Variants in NALF1 observed in about 807,000 individuals in gnomAD.
The protein encoded by NALF1 is family with sequence similarity 155 member A.
Under a neutral mutation model 48.4 loss-of-function variants are expected in NALF1, and 3 were observed. The ratio of observed to expected loss-of-function variants is 0.06; its 90% CI spans 0.03 to 0.16. The LOEUF is 0.16. NALF1 is among the 10% of genes least tolerant of loss of function. The probability of loss-of-function intolerance (pLI) is 1.00; values close to 1 mark genes in which losing one functional copy is unlikely to be tolerated. For missense variants in NALF1, 526 were observed against 571.5 expected, an observed-to-expected ratio of 0.92 and a Z score of 0.81; for synonymous variants, 262 against 245.7, an observed-to-expected ratio of 1.07 and a Z score of -0.62.
At chr13:107,804,317 T>G (rs1324712853) in intron 1 of NALF1, among the ~76,000 whole-genome samples, 1 of 152,170 alleles carries the variant, frequency 6.6e-6, no homozygotes, top group Admixed American at 6.5e-5. Flanking sequence ...GCTTCCCTAG[T>G]GCTGGGGAGA....
At chr13:107,641,110 T>A (rs1880143140) in intron 1 of NALF1, among the ~76,000 whole-genome samples, 1 of 152,134 alleles carries the variant, frequency 6.6e-6, no homozygotes, top group African/African-American at 2.4e-5. Flanking sequence ...TACAGCAACA[T>A]GGATGCAACT....
rs1456885712 is a variant in NALF1, at chr13:107,319,634, T to C, written c.916-108879A>G. Among the ~76,000 whole-genome samples, 3 of 152,262 alleles carry C rather than the reference T, an allele frequency of 2.0e-5. No homozygotes were observed. The East Asian group carries it at 5.8e-4, about 29-fold the overall frequency. On this transcript the variant is annotated intron_variant, in intron 1 of 2. Coordinates refer to ENST00000375915, the MANE Select transcript of NALF1 (RefSeq NM_001080396.3). ...TAATTATTAATTCATTAAATGTGCA[T>C]AACAACTATATAAGGTAGGTTCTAA...
At chr13:107,483,922 T>C (rs1355376547) in intron 1 of NALF1, among the ~76,000 whole-genome samples, 1 of 152,068 alleles carries the variant, frequency 6.6e-6, no homozygotes, top group African/African-American at 2.4e-5. Flanking sequence ...ATATATAAAA[T>C]TTTGTAAGAT....
intron 1 of NALF1, among the ~76,000 whole-genome samples, chr13:107,722,937 C>G (rs1344352398): frequency 3.3e-5 from 5 of 152,190 alleles, no homozygotes; most frequent in Admixed American, 3.3e-4. Context: ...AGGCCCTAAA[C>G]AGAAGCTATC....
At chr13:107,758,650 G>A (rs1220634145) in intron 1 of NALF1, among the ~76,000 whole-genome samples, 1 of 152,174 alleles carries the variant, frequency 6.6e-6, no homozygotes, top group African/African-American at 2.4e-5. Context: ...GAACCCGGGA[G>A]ATGGAGCTGG....
intron 1 of NALF1, among the ~76,000 whole-genome samples, chr13:107,510,775 G>C (rs1301196262): frequency 2.6e-5 from 4 of 152,108 alleles, no homozygotes; most frequent in African/African-American, 9.7e-5. Context: ...ATTCACACCT[G>C]AGCACAGACA....
intron 1 of NALF1, among the ~76,000 whole-genome samples, chr13:107,554,843 T>C (rs1877409275): frequency 6.6e-6 from 1 of 152,128 alleles, no homozygotes; most frequent in South Asian, 2.1e-4. Context: ...TTTTGGTCTC[T>C]GCAGAATTCA....
At chr13:107,751,334 A>G (rs1344882720) in intron 1 of NALF1, among the ~76,000 whole-genome samples, 1 of 152,200 alleles carries the variant, frequency 6.6e-6, no homozygotes, top group Non-Finnish European at 1.5e-5. Context: ...AAAATAATGG[A>G]AAACTGACCT....
At chr13:107,556,254 CCTCTCT>C (rs530335957) in intron 1 of NALF1, among the ~76,000 whole-genome samples, 18 of 144,164 alleles carry the variant, frequency 1.2e-4, no homozygotes, top group African/African-American at 4.7e-4. Flanking sequence ...ATGTGCCTCT[CCTCTCT>C]CTCTCTCTCA....
intron 1 of NALF1, among the ~76,000 whole-genome samples, chr13:107,215,298 T>G (rs1161093142): frequency 6.6e-6 from 1 of 152,226 alleles, no homozygotes; most frequent in African/African-American, 2.4e-5. Flanking sequence ...GAAACTCACT[T>G]GCAGTTCTGC....
At chr13:107,860,975 C>G (rs1348987561) in intron 1 of NALF1, among the ~76,000 whole-genome samples, 2 of 152,144 alleles carry the variant, frequency 1.3e-5, no homozygotes, top group Non-Finnish European at 2.9e-5. Flanking sequence ...ACTTTGTGAT[C>G]ATACCTATGT....
At chr13:107,289,849 CAT>C (rs1040448585) in intron 1 of NALF1, among the ~76,000 whole-genome samples, 64 of 152,220 alleles carry the variant, frequency 4.2e-4, no homozygotes, top group African/African-American at 1.5e-3. Flanking sequence ...CTCTGAGTCA[CAT>C]AGAATAAATG....
intron 1 of NALF1, among the ~76,000 whole-genome samples, chr13:107,298,375 A>AC (rs1954126332): frequency 6.7e-6 from 1 of 149,642 alleles, no homozygotes; most frequent in African/African-American, 2.5e-5. Flanking sequence ...AAAAAAAAAA[A>AC]AAAAAGACAA....
chr13:107,841,617 A>G (rs2138635351), intron 1 of NALF1, among the ~76,000 whole-genome samples: 1 of 151,782 alleles, frequency 6.6e-6, no homozygotes, highest in South Asian at 2.1e-4. Context: ...GAGAAATGCA[A>G]AAGAAATGCT....
At chr13:107,432,025 T>C (rs1884391417) in intron 1 of NALF1, among the ~76,000 whole-genome samples, 1 of 152,156 alleles carries the variant, frequency 6.6e-6, no homozygotes, top group Non-Finnish European at 1.5e-5. Flanking sequence ...AACTGGGCCA[T>C]TTACAAAGAA....
chr13:107,368,485 A>G (rs977963640), intron 1 of NALF1, among the ~76,000 whole-genome samples: 1 of 152,020 alleles, frequency 6.6e-6, no homozygotes, highest in Admixed American at 6.5e-5. Flanking sequence ...GAAAAAGCTC[A>G]AAGTACCATC....
intron 1 of NALF1, among the ~76,000 whole-genome samples, chr13:107,536,636 G>C (rs1190482194): frequency 6.6e-6 from 1 of 152,192 alleles, no homozygotes; most frequent in Non-Finnish European, 1.5e-5. Flanking sequence ...TGGTGGGACT[G>C]TAAACTGGTT....
intron 1 of NALF1, among the ~76,000 whole-genome samples, chr13:107,662,092 A>T (rs1001814173): frequency 2.6e-5 from 4 of 152,202 alleles, no homozygotes; most frequent in African/African-American, 9.6e-5. Context: ...TTTTCCCATT[A>T]AAATCAAATC....
intron 1 of NALF1, among the ~76,000 whole-genome samples, chr13:107,529,572 A>G (rs1002252439): frequency 1.3e-5 from 2 of 152,176 alleles, no homozygotes; most frequent in Non-Finnish European, 2.9e-5. Flanking sequence ...CAGTGGTCTA[A>G]TCTGGACTTC....
Sources: gnomAD v4.1 joint callset for allele counts (sites outside exome capture counted in the v4.1 genomes callset) on GRCh38, gnomAD v4.1.1 for gene constraint, MANE v1.5 for transcripts, NCBI Gene and HGNC (gene_info 2026-07-23, HGNC 2026-07-21) for gene names.